NKAIN2: variants seen among roughly 807,000 people sequenced by gnomAD.
NKAIN2 encodes the protein sodium/potassium transporting ATPase interacting 2, also known as sodium/potassium-transporting ATPase subunit beta-1-interacting protein 2.
NKAIN2 carries 14 observed loss-of-function variants against 32.6 expected under a neutral mutation model. The ratio of observed to expected loss-of-function variants is 0.43; its 90% CI spans 0.28 to 0.67. NKAIN2 has a LOEUF of 0.67. Among genes scored for constraint, NKAIN2 ranks in the 30% least tolerant of loss-of-function variants. The probability of loss-of-function intolerance (pLI) is 0.17; values close to 1 mark genes in which losing one functional copy is unlikely to be tolerated. For synonymous variants in NKAIN2, 80 were observed against 87.2 expected (o/e 0.92, Z 0.46); for missense variants, 198 against 258.3 (o/e 0.77, Z 1.60).
intron 4 of NKAIN2, among the ~76,000 whole-genome samples, chr6:124,700,898 A>ACT (rs796272625): frequency 6.1e-5 from 9 of 148,670 alleles, no homozygotes; most frequent in African/African-American, 2.0e-4. Flanking sequence ...ACACACACAC[A>ACT]CTCTCTCATC....
intron 3 of NKAIN2, among the ~76,000 whole-genome samples, chr6:124,508,676 A>G (rs1421317754): frequency 6.6e-6 from 1 of 152,128 alleles, no homozygotes; most frequent in South Asian, 2.1e-4. Flanking sequence ...CTGCTGTAAC[A>G]AAGTACCACA....
chr6:124,654,579 G>A (rs1229990372), intron 3 of NKAIN2, among the ~76,000 whole-genome samples: 4 of 152,154 alleles, frequency 2.6e-5, no homozygotes, highest in Non-Finnish European at 5.9e-5. Context: ...CTAAACTTAT[G>A]TTTATGGCCT....
chr6:124,658,816 T>C, intron 4 of NKAIN2: 1 of 221,540 alleles, frequency 4.5e-6, no homozygotes, highest in Non-Finnish European at 8.8e-6. Flanking sequence ...TCATTTGCCC[T>C]ATCTCCTTCT....
chr6:124,192,119 T>C (rs1790051943), intron 1 of NKAIN2, among the ~76,000 whole-genome samples: 1 of 152,178 alleles, frequency 6.6e-6, no homozygotes. Flanking sequence ...TTGAATCATT[T>C]CTTTTTGCCT....
chr6:124,691,504 C>A (rs1003835696), intron 4 of NKAIN2, among the ~76,000 whole-genome samples: 3 of 152,134 alleles, frequency 2.0e-5, no homozygotes, highest in Non-Finnish European at 4.4e-5. Context: ...AGAATTCAGG[C>A]AAACTAAGGT....
chr6:124,565,239 A>C (rs1780865708), intron 3 of NKAIN2, among the ~76,000 whole-genome samples: 1 of 152,178 alleles, frequency 6.6e-6, no homozygotes, highest in African/African-American at 2.4e-5. Flanking sequence ...ACTAATTGGA[A>C]TGTTTTATTC....
chr6:123,946,178 G>T (rs1236922608), intron 1 of NKAIN2, among the ~76,000 whole-genome samples: 1 of 152,128 alleles, frequency 6.6e-6, no homozygotes, highest in African/African-American at 2.4e-5. Flanking sequence ...TTGGTGAGCA[G>T]AGTGAAGTAT....
chr6:124,287,955 C>CT (rs1325490284), intron 2 of NKAIN2, among the ~76,000 whole-genome samples: 1 of 132,730 alleles, frequency 7.5e-6, no homozygotes, highest in African/African-American at 3.8e-5. Context: ...AATTATTTCT[C>CT]CCCCCCTCTC....
At chr6:123,833,474 G>A (rs1774469487) in intron 1 of NKAIN2, among the ~76,000 whole-genome samples, 1 of 152,018 alleles carries the variant, frequency 6.6e-6, no homozygotes, top group South Asian at 2.1e-4. Flanking sequence ...AAGTTTCTGG[G>A]ATTTTGATTT....
At chr6:124,077,007 T>C (rs2114895994) in intron 1 of NKAIN2, among the ~76,000 whole-genome samples, 1 of 152,348 alleles carries the variant, frequency 6.6e-6, no homozygotes, top group South Asian at 2.1e-4. Flanking sequence ...ATTTTTTAGA[T>C]GAATGTATAT....
intron 1 of NKAIN2, among the ~76,000 whole-genome samples, chr6:124,162,829 A>C (rs1788345846): frequency 6.6e-6 from 1 of 152,082 alleles, no homozygotes; most frequent in African/African-American, 2.4e-5. Flanking sequence ...CTTATGTGTA[A>C]ACAGATAATG....
In NKAIN2 at chr6:124,770,897, G is replaced by A. The variant is rs138521685; in HGVS notation, c.475-20442G>A. On this transcript the variant is annotated intron_variant, in intron 4 of 6. Transcript: ENST00000368417. The stretch of plus-strand genomic sequence containing the variant: ...CTAAAATAATACCAAAAAAAGCCAC[G>A]TACACAGTTCATCTTCCTTTGCCAT... Among the ~76,000 whole-genome samples, 9 of 152,122 alleles carry A rather than the reference G, an allele frequency of 5.9e-5. No individual in the cohort carries two copies. In the East Asian group the frequency reaches 1.2e-3, roughly 20 times the overall value.
At chr6:124,311,570 A>G (rs1796719455) in intron 2 of NKAIN2, among the ~76,000 whole-genome samples, 1 of 152,214 alleles carries the variant, frequency 6.6e-6, no homozygotes, top group Non-Finnish European at 1.5e-5. Flanking sequence ...GATTACATCT[A>G]CTACGTTTAC....
intron 3 of NKAIN2, among the ~76,000 whole-genome samples, chr6:124,602,736 G>A (rs960837970): frequency 6.6e-6 from 1 of 151,726 alleles, no homozygotes; most frequent in African/African-American, 2.4e-5. Context: ...TTTTTCTAAT[G>A]TATGCATTTG....
intron 1 of NKAIN2, among the ~76,000 whole-genome samples, chr6:123,980,527 A>G (rs1350959248): frequency 1.3e-5 from 2 of 152,198 alleles, no homozygotes; most frequent in Non-Finnish European, 2.9e-5. Context: ...TATCACTGCT[A>G]AGTACTCTGT....
intron 1 of NKAIN2, among the ~76,000 whole-genome samples, chr6:123,882,740 A>G (rs946974270): frequency 2.6e-5 from 4 of 152,240 alleles, no homozygotes; most frequent in Non-Finnish European, 5.9e-5. Context: ...TAGTCCATTA[A>G]TTATGATGAT....
At chr6:124,808,977 T>A (rs1469725170) in intron 5 of NKAIN2, among the ~76,000 whole-genome samples, 3 of 151,930 alleles carry the variant, frequency 2.0e-5, no homozygotes, top group South Asian at 2.1e-4. Context: ...TCAAGGAAAT[T>A]AAAGAGGATA....
intron 1 of NKAIN2, among the ~76,000 whole-genome samples, chr6:123,889,880 G>A (rs7746801): frequency 0.013 from 1,999 of 152,082 alleles, 42 homozygotes; most frequent in African/African-American, 0.044. Context: ...ATCAGTGGTC[G>A]AAATATTTTA....
At chr6:124,721,950 T>C (rs1776041138) in intron 4 of NKAIN2, among the ~76,000 whole-genome samples, 1 of 152,172 alleles carries the variant, frequency 6.6e-6, no homozygotes, top group South Asian at 2.1e-4. Flanking sequence ...AAACTGAAAT[T>C]CTATGCCCAT....
Sources: gnomAD v4.1 joint callset for allele counts (sites outside exome capture counted in the v4.1 genomes callset) on GRCh38, gnomAD v4.1.1 for gene constraint, MANE v1.5 for transcripts, NCBI Gene and HGNC (gene_info 2026-07-23, HGNC 2026-07-21) for gene names.